The following DACH1 variants were observed in gnomAD, a reference collection of about 807,000 sequenced individuals.
The protein encoded by DACH1 is dachshund family transcription factor 1, also known as dachshund homolog 1.
Under a neutral mutation model 54.2 loss-of-function variants are expected in DACH1, and 12 were observed. The observed-to-expected ratio is 0.22, with a 90% CI of 0.14 to 0.36. The LOEUF (loss-of-function observed/expected upper bound fraction) is 0.36, where lower values mean the gene tolerates loss of function less well. Among genes scored for constraint, DACH1 ranks in the 10% least tolerant of loss-of-function variants. The pLI is 1.00. For synonymous variants in DACH1, 386 were observed against 366.2 expected (o/e 1.05, Z -0.62); for missense variants, 805 against 929.8 (o/e 0.87, Z 1.75).
intron 1 of DACH1, among the ~76,000 whole-genome samples, chr13:71,822,185 AGTGTC>A (rs1327377452): frequency 6.6e-6 from 1 of 152,224 alleles, no homozygotes; most frequent in Non-Finnish European, 1.5e-5. Context: ...TGAGTCTTTT[AGTGTC>A]ATGTATTAAA....
intron 1 of DACH1, among the ~76,000 whole-genome samples, chr13:71,753,246 A>C (rs1281820578): frequency 6.6e-6 from 1 of 152,182 alleles, no homozygotes; most frequent in Non-Finnish European, 1.5e-5. Flanking sequence ...TGAATACCAC[A>C]ACAGACAGCT....
At position 71,853,839 on chromosome 13, in the gene DACH1, C is replaced by T. The variant is rs550359030; in HGVS notation, c.848+12083G>A. ...GATTCTAACAAGCTCATTTTTCATG[C>T]GTTTTGTCTTTCATCCTAATCTAGC... On this transcript the variant is annotated intron_variant, in intron 1 of 10. Coordinates refer to ENST00000613252, the MANE Select transcript of DACH1 (RefSeq NM_080759.6). 1.7e-4 allele frequency among the ~76,000 whole-genome samples: 26 copies of T among 152,198 alleles called. 1 individual carries two copies. The South Asian group carries it at 4.8e-3, about 28-fold the overall frequency.
At chr13:71,553,613 TTATA>T (rs199936005) in intron 6 of DACH1, among the ~76,000 whole-genome samples, 1 of 146,006 alleles carries the variant, frequency 6.8e-6, no homozygotes, top group African/African-American at 2.5e-5. Flanking sequence ...TTTTATATTG[TTATA>T]TATATAACAT....
intron 3 of DACH1, among the ~76,000 whole-genome samples, chr13:71,588,670 AAAC>A (rs926476983): frequency 2.6e-4 from 40 of 152,094 alleles, no homozygotes; most frequent in Non-Finnish European, 7.4e-5. Flanking sequence ...TTTTTGTAAA[AAAC>A]AACACAAAAT....
At chr13:71,477,080 T>TATATATATATATATA (rs375310936) in intron 8 of DACH1, among the ~76,000 whole-genome samples, 1 of 46,260 alleles carries the variant, frequency 2.2e-5, no homozygotes, top group African/African-American at 7.0e-5. Context: ...GTTTTTATTA[T>TATATATATATATATA]TATATATATA....
intron 3 of DACH1, among the ~76,000 whole-genome samples, chr13:71,625,188 C>T (rs1310359920): frequency 6.6e-6 from 1 of 151,932 alleles, no homozygotes; most frequent in African/African-American, 2.4e-5. Flanking sequence ...TTCATTATAG[C>T]AGCATCATCT....
chr13:71,709,325 C>T (rs1358895643), intron 1 of DACH1, among the ~76,000 whole-genome samples: 1 of 151,938 alleles, frequency 6.6e-6, no homozygotes, highest in Non-Finnish European at 1.5e-5. Context: ...GTTTCAATTA[C>T]CCCTGCCAAC....
At chr13:71,508,761 C>A (rs1460580212) in intron 6 of DACH1, among the ~76,000 whole-genome samples, 1 of 152,108 alleles carries the variant, frequency 6.6e-6, no homozygotes, top group African/African-American at 2.4e-5. Flanking sequence ...AGCCACTGCA[C>A]CTGGCCAAAT....
At chr13:71,811,677 C>T (rs1887720021) in intron 1 of DACH1, among the ~76,000 whole-genome samples, 2 of 152,190 alleles carry the variant, frequency 1.3e-5, no homozygotes, top group South Asian at 4.1e-4. Flanking sequence ...TCTACCTTTG[C>T]TGTTTCACCT....
chr13:71,837,865 G>A (rs867607390), intron 1 of DACH1, among the ~76,000 whole-genome samples: 27 of 150,548 alleles, frequency 1.8e-4, no homozygotes, highest in African/African-American at 1.7e-4. Flanking sequence ...GGACATGGAT[G>A]AAATTGGAAA....
intron 2 of DACH1, among the ~76,000 whole-genome samples, chr13:71,679,711 G>A (rs1249400269): frequency 1.3e-5 from 2 of 151,948 alleles, no homozygotes; most frequent in Non-Finnish European, 2.9e-5. Flanking sequence ...TTGGCCAGGC[G>A]CAGTGGCTCA....
chr13:71,537,038 T>C (rs1195694594), intron 6 of DACH1, among the ~76,000 whole-genome samples: 2 of 152,092 alleles, frequency 1.3e-5, no homozygotes, highest in Non-Finnish European at 2.9e-5. Flanking sequence ...ACTCATAAAA[T>C]ACAAACTTCT....
At chr13:71,445,819 A>G (rs1874402534) in intron 10 of DACH1, among the ~76,000 whole-genome samples, 1 of 152,190 alleles carries the variant, frequency 6.6e-6, no homozygotes, top group African/African-American at 2.4e-5. Context: ...ATGTGGACAT[A>G]CCCAGGGAAC....
intron 1 of DACH1, among the ~76,000 whole-genome samples, chr13:71,821,891 T>C (rs1047996948): frequency 6.6e-6 from 1 of 151,996 alleles, no homozygotes; most frequent in African/African-American, 2.4e-5. Context: ...TGAAACCCTG[T>C]CTCTACTAAA....
chr13:71,815,620 C>T (rs1007276819), intron 1 of DACH1, among the ~76,000 whole-genome samples: 2 of 152,114 alleles, frequency 1.3e-5, no homozygotes, highest in African/African-American at 2.4e-5. Context: ...AGTGATTTTT[C>T]AAGTCCTTTT....
chr13:71,574,790 GT>G (rs1885430817), intron 3 of DACH1, among the ~76,000 whole-genome samples: 1 of 151,802 alleles, frequency 6.6e-6, no homozygotes, highest in South Asian at 2.1e-4. Context: ...ACAGCTTTTG[GT>G]TTAAAAAAAA....
At chr13:71,541,171 A>T (rs576818806) in intron 6 of DACH1, among the ~76,000 whole-genome samples, 14 of 152,128 alleles carry the variant, frequency 9.2e-5, no homozygotes, top group East Asian at 1.9e-4. Flanking sequence ...TTTATTTTTT[A>T]AAAAACCTGA....
At chr13:71,751,095 C>A (rs1294681490) in intron 1 of DACH1, among the ~76,000 whole-genome samples, 1 of 152,168 alleles carries the variant, frequency 6.6e-6, no homozygotes, top group Non-Finnish European at 1.5e-5. Flanking sequence ...CAGAACCCTT[C>A]TGTATGGAAG....
At chr13:71,478,478 G>T (rs1322659654) in intron 8 of DACH1, among the ~76,000 whole-genome samples, 1 of 152,166 alleles carries the variant, frequency 6.6e-6, no homozygotes, top group Non-Finnish European at 1.5e-5. Flanking sequence ...AGAGGCAGTT[G>T]ATTGTAGACA....
Sources: gnomAD v4.1 joint callset for allele counts (sites outside exome capture counted in the v4.1 genomes callset) on GRCh38, gnomAD v4.1.1 for gene constraint, MANE v1.5 for transcripts, NCBI Gene and HGNC (gene_info 2026-07-23, HGNC 2026-07-21) for gene names.